The following HECTD2 variants were observed in gnomAD, a reference collection of about 807,000 sequenced individuals.
The protein encoded by HECTD2 is probable E3 ubiquitin-protein ligase HECTD2.
HECTD2 carries 35 observed loss-of-function variants against 103.2 expected under a neutral mutation model. The observed-to-expected ratio is 0.34, with a 90% CI of 0.26 to 0.45. The LOEUF is 0.45. Among genes scored for constraint, HECTD2 ranks in the 20% least tolerant of loss-of-function variants. The probability of loss-of-function intolerance (pLI) is 1.00; values close to 1 mark genes in which losing one functional copy is unlikely to be tolerated. For synonymous variants in HECTD2, 281 were observed against 329.9 expected (o/e 0.85, Z 1.61); for missense variants, 596 against 937.4 (o/e 0.64, Z 4.76).
At chr10:91,434,266 A>T (rs780788877) in intron 2 of HECTD2, among the ~76,000 whole-genome samples, 1 of 151,908 alleles carries the variant, frequency 6.6e-6, no homozygotes, top group Non-Finnish European at 1.5e-5. Flanking sequence ...TGACTAATCC[A>T]TTCTGGTCTT....
intron 20 of HECTD2, among the ~76,000 whole-genome samples, chr10:91,502,544 T>C (rs1033984567): frequency 1.3e-5 from 2 of 152,154 alleles, no homozygotes; most frequent in African/African-American, 2.4e-5. Flanking sequence ...AAGTGCCCAA[T>C]AGCTATTTCT....
chr10:91,456,081 TTAAAG>T (rs1337866528), intron 2 of HECTD2, among the ~76,000 whole-genome samples: 1 of 152,146 alleles, frequency 6.6e-6, no homozygotes, highest in African/African-American at 2.4e-5. Flanking sequence ...CATATGAACT[TTAAAG>T]TAGTTTTTTC....
At chr10:91,494,819 C>CAT (rs1846607513) in intron 14 of HECTD2, among the ~76,000 whole-genome samples, 1 of 151,950 alleles carries the variant, frequency 6.6e-6, no homozygotes, top group South Asian at 2.1e-4. Context: ...TATGTTCATA[C>CAT]ATATATGTTT....
At chr10:91,492,684 A>G (rs951859028) in intron 13 of HECTD2, among the ~76,000 whole-genome samples, 200 bp downstream of exon 13, 1 of 152,196 alleles carries the variant, frequency 6.6e-6, no homozygotes, top group Non-Finnish European at 1.5e-5. Context: ...TCTTACTGGG[A>G]ATCCTACACA....
At chr10:91,498,244 T>A (rs1846760283) in intron 16 of HECTD2, 62 bp downstream of exon 16, 2 of 1,079,922 alleles carry the variant, frequency 1.9e-6, no homozygotes, top group South Asian at 2.6e-5. Flanking sequence ...CAGTGCAATT[T>A]GTTATTAAAT....
chr10:91,492,868 TAATA>T (rs892987265), intron 13 of HECTD2, among the ~76,000 whole-genome samples: 37 of 152,208 alleles, frequency 2.4e-4, no homozygotes, highest in African/African-American at 8.4e-4. Context: ...TGGGTCATTT[TAATA>T]AATAAGAATT....
At chr10:91,462,434 A>T in intron 5 of HECTD2, 1 of 1,244,748 alleles carries the variant, frequency 8.0e-7, no homozygotes, top group Non-Finnish European at 1.0e-6. Flanking sequence ...TGCTTTACTT[A>T]CTCAGCAAAA....
In HECTD2 at chr10:91,514,805, C is replaced by G. The variant is rs1847549785; in HGVS notation, c.*2421C>G. On this transcript the variant is annotated 3_prime_UTR_variant, in exon 21 of 21. Transcript: ENST00000298068. ...TGAACACTTGGGCAATTAATTAAAG[C>G]CATATGTTTAAAATATTTTATAAAT... 6.6e-6 allele frequency: 1 copy of G among 152,258 alleles called. No individual in the cohort carries two copies. Among genetic ancestry groups the G allele is most frequent in the South Asian group, 2.1e-4 (1 of 4,812 alleles). 9.4% of individuals were successfully genotyped at this position (152,258 alleles called of 1,614,324 possible).
rs761433244 is a variant in HECTD2, at chr10:91,478,198, C to T, written c.601-3C>T. ...TTACCTTACTGTTTTCTTTTGCCTA[C>T]AGCCTCAAGACGTTCAGAAGACAGT... On this transcript the variant is annotated splice_region_variant and splice_polypyrimidine_tract_variant and intron_variant, in intron 5 of 20. Coordinates refer to ENST00000298068, the MANE Select transcript of HECTD2 (RefSeq NM_182765.6). 2 of 1,603,560 alleles carry T rather than the reference C, an allele frequency of 1.2e-6. No individual in the cohort carries two copies. Among genetic ancestry groups the T allele is most frequent in the South Asian group, 2.2e-5 (2 of 90,620 alleles).
At chr10:91,492,599 A>G in intron 13 of HECTD2, 115 bp downstream of exon 13, 4 of 800,392 alleles carry the variant, frequency 5.0e-6, no homozygotes, top group Non-Finnish European at 8.0e-6. Context: ...TCCATCGTAA[A>G]TGTTGAATAA....
chr10:91,476,918 T>C lies in HECTD2; in HGVS notation c.601-1283T>C, dbSNP rs985841861. ...GGTCCGGGCCGGGCGCGGTGGCTCA[T>C]GCCTGTAATCCCAGCACTTTGGGAG... On this transcript the variant is annotated intron_variant, in intron 5 of 20. Coordinates refer to ENST00000298068, the MANE Select transcript of HECTD2 (RefSeq NM_182765.6). Among the ~76,000 whole-genome samples the C allele has an allele frequency of 3.5e-5, 5 of 141,322 alleles. No individual in the cohort carries two copies. In the South Asian group the frequency reaches 1.2e-3, roughly 33 times the overall value. 92.7% of individuals were successfully genotyped at this position (141,322 alleles called of 152,430 possible). A position where few individuals can be genotyped will look rare whatever the true frequency, so the allele number is the denominator to read the frequency against.
At chr10:91,509,052 C>T (rs1847315065) in intron 20 of HECTD2, among the ~76,000 whole-genome samples, 1 of 145,470 alleles carries the variant, frequency 6.9e-6, no homozygotes, top group African/African-American at 2.6e-5. Context: ...CATATTCTCA[C>T]TCATAGGTGG....
intron 2 of HECTD2, among the ~76,000 whole-genome samples, chr10:91,436,858 T>G (rs113627904): frequency 5.9e-5 from 9 of 152,158 alleles, no homozygotes; most frequent in African/African-American, 2.2e-4. Context: ...CATCTCTGCT[T>G]CTTTTTACCT....
intron 6 of HECTD2, among the ~76,000 whole-genome samples, chr10:91,479,929 C>G (rs1846033132): frequency 6.6e-6 from 1 of 151,942 alleles, no homozygotes; most frequent in Admixed American, 6.6e-5. Flanking sequence ...TTTTATTTAT[C>G]CTTTTATAAG....
At chr10:91,483,156 A>G (rs1846154342) in intron 8 of HECTD2, 80 bp downstream of exon 8, 3 of 544,568 alleles carry the variant, frequency 5.5e-6, no homozygotes, top group Non-Finnish European at 9.4e-6. Flanking sequence ...AATAAAATAT[A>G]TTTAAATATT....
intron 2 of HECTD2, among the ~76,000 whole-genome samples, chr10:91,437,720 T>TAAAAAACTA (rs1312334904): frequency 1.3e-5 from 2 of 151,638 alleles, no homozygotes; most frequent in African/African-American, 4.8e-5. Flanking sequence ...AAATCAGTTT[T>TAAAAAACTA]TTATAATAGA....
intron 19 of HECTD2, 27 bp from the exon 20 acceptor site, chr10:91,501,164 A>T (rs928072362): frequency 6.3e-7 from 1 of 1,593,990 alleles, no homozygotes; most frequent in African/African-American, 1.3e-5. Flanking sequence ...AAGACATTTG[A>T]TGTTAATTTC....
chr10:91,410,340 G>A, upstream of HECTD2: 1 of 690,994 alleles, frequency 1.4e-6, no homozygotes, highest in Middle Eastern at 5.5e-4. Context: ...AGAAGCGGCA[G>A]CCCAGAGCCC....
intron 2 of HECTD2, among the ~76,000 whole-genome samples, chr10:91,439,179 A>G (rs771064707): frequency 6.6e-6 from 1 of 152,112 alleles, no homozygotes; most frequent in Non-Finnish European, 1.5e-5. Flanking sequence ...GGTATTGCCT[A>G]GGTTTTCTTC....
Sources: gnomAD v4.1 joint callset for allele counts (sites outside exome capture counted in the v4.1 genomes callset) on GRCh38, gnomAD v4.1.1 for gene constraint, MANE v1.5 for transcripts, NCBI Gene and HGNC (gene_info 2026-07-23, HGNC 2026-07-21) for gene names.